Variants in SPTBN1 observed in about 807,000 individuals in gnomAD.
SPTBN1 encodes spectrin beta, non-erythrocytic 1, also known as spectrin beta chain, non-erythrocytic 1.
A neutral mutation model predicts 266.4 loss-of-function variants in SPTBN1; 32 were observed. The observed-to-expected ratio is 0.12, with a 90% confidence interval of 0.09 to 0.16. SPTBN1 has a LOEUF of 0.16. Among genes scored for constraint, SPTBN1 ranks in the 10% least tolerant of loss-of-function variants. The pLI is 1.00. For synonymous variants in SPTBN1, 1,336 were observed against 1,162.2 expected, an observed-to-expected ratio of 1.15 and a Z score of -3.04; for missense variants, 2,296 against 3,067.1, an observed-to-expected ratio of 0.75 and a Z score of 5.94.
intron 1 of SPTBN1, among the ~76,000 whole-genome samples, chr2:54,516,780 C>G (rs946024733): frequency 6.6e-6 from 1 of 152,200 alleles, no homozygotes; most frequent in African/African-American, 2.4e-5. Context: ...GACATAGCCT[C>G]AGGAGGTCCT....
chr2:54,584,522 GA>G (rs147143609), intron 2 of SPTBN1, among the ~76,000 whole-genome samples: 10,269 of 152,250 alleles, frequency 0.067, 488 homozygotes, highest in Non-Finnish European at 0.11. Flanking sequence ...TTCAGTAGGT[GA>G]AAGGATTTGT....
intron 3 of SPTBN1, among the ~76,000 whole-genome samples, chr2:54,604,140 G>T (rs919453532): frequency 2.0e-5 from 3 of 152,174 alleles, no homozygotes; most frequent in Non-Finnish European, 4.4e-5. Flanking sequence ...CCGGGGCTGT[G>T]CTCTGCCCAG....
At position 54,618,137 on chromosome 2, in the gene SPTBN1, A is replaced by T. The variant is rs1677737615; in HGVS notation, c.707A>T (p.Asn236Ile). ...KKSNAHYNLQ[N>I]AFNLAEQHLG... is the part of the protein sequence containing the mutation. ...TCTAACGCACACTACAACCTGCAGA[A>T]TGCATTTAATCTGGCAGAACAGCAC... Residue 236 changes from asparagine (N) to isoleucine (I), a missense_variant, in exon 7 of 36, where the codon AAT becomes ATT. Physicochemically the swap from Asn to Ile is moderately radical, Grantham distance 149 (BLOSUM62 -3). Coordinates refer to ENST00000356805, the MANE Select transcript of SPTBN1 (RefSeq NM_003128.3). 1 of 1,614,104 alleles carries T rather than the reference A, an allele frequency of 6.2e-7. No homozygotes were observed. Among genetic ancestry groups the T allele is most frequent in the Non-Finnish European group, 8.5e-7 (1 of 1,180,032 alleles).
intron 2 of SPTBN1, among the ~76,000 whole-genome samples, chr2:54,562,696 T>TTGTGTG (rs55947327): frequency 0.05 from 6,131 of 122,540 alleles, 257 homozygotes; most frequent in East Asian, 0.14. Context: ...AAACCCTGCT[T>TTGTGTG]TGTGTGTGTG....
At chr2:54,661,476 CTTGT>C (rs1558481658) in intron 32 of SPTBN1, 1 of 985,554 alleles carries the variant, frequency 1.0e-6, no homozygotes, top group Non-Finnish European at 1.2e-6. Context: ...CATATAGCAT[CTTGT>C]TTGTTTTTCC....
At chr2:54,566,184 T>C (rs540119761) in intron 2 of SPTBN1, among the ~76,000 whole-genome samples, 5 of 125,286 alleles carry the variant, frequency 4.0e-5, no homozygotes, top group Non-Finnish European at 7.8e-5. Context: ...TTTTCTTTTT[T>C]CTTTTTTTTT....
intron 1 of SPTBN1, among the ~76,000 whole-genome samples, chr2:54,492,322 A>G (rs1668726778): frequency 7.1e-6 from 1 of 140,244 alleles, no homozygotes. Flanking sequence ...ATTACTGGAC[A>G]TTTAGTTTGT....
At position 54,646,168 on chromosome 2, in the gene SPTBN1, T is replaced by C; in HGVS notation, c.4585-26T>C. 1.3e-6 allele frequency: 2 copies of C among 1,595,422 alleles called. No individual in the cohort carries two copies. Among genetic ancestry groups the C allele is most frequent in the Non-Finnish European group, 8.6e-7 (1 of 1,169,532 alleles). On this transcript the variant is annotated intron_variant, in intron 22 of 35. Coordinates refer to ENST00000356805, the MANE Select transcript of SPTBN1 (RefSeq NM_003128.3). The surrounding 1 kb of genome is among the most constrained non-coding windows in gnomAD (Gnocchi z 4.4). ...CAGACGGCTGCCATTTAGCAAGCCT[T>C]TGTGTGTATTTTCCGCTCCCTCCAG...
intron 2 of SPTBN1, among the ~76,000 whole-genome samples, chr2:54,580,033 A>G (rs369387032): frequency 6.6e-6 from 1 of 152,198 alleles, no homozygotes; most frequent in Non-Finnish European, 1.5e-5. Flanking sequence ...TAACAGGGGA[A>G]TATTTTCATT....
At chr2:54,481,446 T>TTTTG (rs144515184) in intron 1 of SPTBN1, among the ~76,000 whole-genome samples, 3 of 149,164 alleles carry the variant, frequency 2.0e-5, no homozygotes, top group African/African-American at 5.0e-5. Flanking sequence ...GTGTGTTTTG[T>TTTTG]TTTGTTTGTT....
Position 54,646,195 on chromosome 2 carries a change from C to T in SPTBN1, c.4586C>T (p.Thr1529Ile). 6.2e-7 allele frequency: 1 copy of T among 1,609,224 alleles called. No individual in the cohort carries two copies. Among genetic ancestry groups the T allele is most frequent in the Non-Finnish European group, 8.5e-7 (1 of 1,177,176 alleles). The change falls in exon 23 of 36, where the codon ACC (threonine) becomes ATC (isoleucine). Residue 1529 changes from threonine (T) to isoleucine (I), a missense_variant and splice_region_variant. By Grantham distance (89) the Thr-to-Ile change is moderately conservative. This residue lies in a region of SPTBN1 where 644 missense variants were observed against 745.3 expected (regional missense o/e 0.86). Coordinates refer to ENST00000356805, the MANE Select transcript of SPTBN1 (RefSeq NM_003128.3). The surrounding 1 kb of genome is among the most constrained non-coding windows in gnomAD (Gnocchi z 4.4). ...GTGTGTATTTTCCGCTCCCTCCAGA[C>T]CCTCCAGAAAGAAATCCAGGGGCAC... ...TVQLLIKKNQTLQKEIQGHQP... is the reference protein window; with the variant it reads ...TVQLLIKKNQILQKEIQGHQP...
intron 4 of SPTBN1, among the ~76,000 whole-genome samples, chr2:54,613,124 G>T (rs1677342305): frequency 6.6e-6 from 1 of 152,162 alleles, no homozygotes. Flanking sequence ...CCACGAGCCT[G>T]ATTATTGGTT....
intron 3 of SPTBN1, among the ~76,000 whole-genome samples, chr2:54,607,375 C>T (rs909882430): frequency 6.6e-6 from 1 of 152,196 alleles, no homozygotes; most frequent in Non-Finnish European, 1.5e-5. Context: ...GTAATCCCAG[C>T]ACTTTGGGAG....
chr2:54,464,933 C>A (rs185401364), intron 1 of SPTBN1, among the ~76,000 whole-genome samples: 296 of 152,328 alleles, frequency 1.9e-3, no homozygotes, highest in Non-Finnish European at 3.1e-3. Context: ...CTCAAGTGAT[C>A]TGCCTGCCTT....
In SPTBN1 at chr2:54,506,894, C is replaced by CTCTCTTTTTTT. The variant is rs5831310; in HGVS notation, c.-47-19477_-47-19476insCTCTTTTTTTT. 4.8e-3 allele frequency among the ~76,000 whole-genome samples: 640 copies of CTCTCTTTTTTT among 133,470 alleles called. 3 individuals carry two copies. The highest frequency in any genetic ancestry group is 8.0e-3 in the Non-Finnish European group (514 of 64,142). The allele number at this position is 133,470 out of a possible 152,430, so 87.6% of individuals were successfully genotyped here. On this transcript the variant is annotated intron_variant, in intron 1 of 35. Transcript: ENST00000356805. ...AGTTTAGGTTGATCTGGTTCTCTCTCTTTTTTTTTTTTTTGAGCAACAAGA... is the reference window on the plus strand; with the variant it reads ...AGTTTAGGTTGATCTGGTTCTCTCTCTCTCTTTTTTTTTTTTTTTTTTTTTGAGCAACAAGA...
chr2:54,550,392 A>G (rs948996485), intron 2 of SPTBN1, among the ~76,000 whole-genome samples: 1 of 152,186 alleles, frequency 6.6e-6, no homozygotes, highest in African/African-American at 2.4e-5. Context: ...CACCCTTAAA[A>G]TATTTCACAT....
chr2:54,508,505 A>AGGTTCTAAGAGGTGGGCTAGCG (rs1461075881), intron 1 of SPTBN1, among the ~76,000 whole-genome samples: 7 of 151,996 alleles, frequency 4.6e-5, no homozygotes, highest in South Asian at 4.1e-4. Context: ...AGGAAATGAG[A>AGGTTCTAAGAGGTGGGCTAGCG]GGTTCTAAGA....
At chr2:54,458,590 A>G (rs1693195299) in intron 1 of SPTBN1, among the ~76,000 whole-genome samples, 1 of 152,150 alleles carries the variant, frequency 6.6e-6, no homozygotes, top group African/African-American at 2.4e-5. Context: ...GAGAGGGTGG[A>G]GAAGGGCAGA....
chr2:54,643,838 C>T (rs1024773893), intron 19 of SPTBN1, among the ~76,000 whole-genome samples: 1 of 152,062 alleles, frequency 6.6e-6, no homozygotes, highest in Non-Finnish European at 1.5e-5. Context: ...ACAAAAATAG[C>T]CAGGCCTGGT....
Sources: gnomAD v4.1 joint callset for allele counts (sites outside exome capture counted in the v4.1 genomes callset) on GRCh38, gnomAD v4.1.1 for gene constraint, gnomAD v4.1.1 regional missense constraint, Gnocchi (gnomAD v3.1) non-coding constraint, MANE v1.5 for transcripts, NCBI Gene and HGNC (gene_info 2026-07-23, HGNC 2026-07-21) for gene names.